The following GALNT17 variants were observed in gnomAD, a reference collection of about 807,000 sequenced individuals.
GALNT17 encodes UDP-GalNAc:polypeptide N-acetylgalactosaminyltransferase-like 3.
In GALNT17, 29 loss-of-function variants were observed where a neutral mutation model predicts 63.7. That is an observed-to-expected ratio of 0.46 (90% CI 0.34 to 0.62). The LOEUF (loss-of-function observed/expected upper bound fraction) is 0.62, where lower values mean the gene tolerates loss of function less well. Among genes scored for constraint, GALNT17 ranks in the 20% least tolerant of loss-of-function variants. The pLI, the probability that GALNT17 is intolerant of heterozygous loss-of-function variation, is 0.01. For synonymous variants in GALNT17, 305 were observed against 318.3 expected (o/e 0.96, Z 0.45); for missense variants, 603 against 799.6 (o/e 0.75, Z 2.97).
intron 1 of GALNT17, among the ~76,000 whole-genome samples, chr7:71,250,557 C>T (rs182812949): frequency 2.2e-4 from 34 of 152,238 alleles, no homozygotes; most frequent in Admixed American, 1.8e-3. Context: ...TCTGTAAGCT[C>T]GCCCCAAAAC....
intron 9 of GALNT17, among the ~76,000 whole-genome samples, chr7:71,702,485 A>G (rs538372725): frequency 2.6e-5 from 4 of 152,232 alleles, no homozygotes; most frequent in Non-Finnish European, 1.5e-5. Flanking sequence ...GAAGCTCAGA[A>G]AGCCATTATT....
At chr7:71,542,337 T>C (rs976832627) in intron 5 of GALNT17, among the ~76,000 whole-genome samples, 4 of 149,192 alleles carry the variant, frequency 2.7e-5, no homozygotes, top group Non-Finnish European at 4.5e-5. Flanking sequence ...TATTGGAATT[T>C]AAAAAAAAAA....
At chr7:71,481,285 C>CA (rs1787812475) in intron 5 of GALNT17, among the ~76,000 whole-genome samples, 1 of 151,780 alleles carries the variant, frequency 6.6e-6, no homozygotes, top group Admixed American at 6.6e-5. Context: ...CATCTCTAGT[C>CA]AAAAAAATAC....
intron 2 of GALNT17, among the ~76,000 whole-genome samples, chr7:71,371,731 T>C (rs1683265707): frequency 1.3e-5 from 2 of 152,240 alleles, no homozygotes; most frequent in African/African-American, 2.4e-5. Context: ...CTAAATTTAA[T>C]GGTTTTATCT....
chr7:71,588,879 A>T (rs763177011), intron 6 of GALNT17, among the ~76,000 whole-genome samples: 2 of 152,058 alleles, frequency 1.3e-5, no homozygotes, highest in Non-Finnish European at 2.9e-5. Context: ...GAAAAAAAAA[A>T]ATCCTCCACC....
intron 1 of GALNT17, among the ~76,000 whole-genome samples, chr7:71,190,159 T>G (rs1360000226): frequency 6.6e-6 from 1 of 152,178 alleles, no homozygotes; most frequent in Non-Finnish European, 1.5e-5. Context: ...GGGCTTGGTC[T>G]TTAGGAACAG....
intron 3 of GALNT17, among the ~76,000 whole-genome samples, chr7:71,401,777 G>A (rs1793246149): frequency 6.6e-6 from 1 of 152,170 alleles, no homozygotes; most frequent in South Asian, 2.1e-4. Context: ...TCATCTAGTT[G>A]TAGAAAAACA....
chr7:71,489,585 A>G (rs1056085270), intron 5 of GALNT17, among the ~76,000 whole-genome samples: 16 of 152,238 alleles, frequency 1.1e-4, no homozygotes, highest in Admixed American at 2.0e-4. Flanking sequence ...CTGAACCCCT[A>G]TTAACCTCAG....
At chr7:71,690,276 G>T (rs1284260706) in intron 9 of GALNT17, among the ~76,000 whole-genome samples, 1 of 151,778 alleles carries the variant, frequency 6.6e-6, no homozygotes, top group Non-Finnish European at 1.5e-5. Flanking sequence ...CACCCTTCTT[G>T]GCCTCCCAAA....
chr7:71,368,923 G>C (rs568930657), intron 2 of GALNT17, among the ~76,000 whole-genome samples: 5 of 83,314 alleles, frequency 6.0e-5, no homozygotes, highest in African/African-American at 2.1e-4. Context: ...CTCGGGGGTG[G>C]GGGGGGGTGT....
intron 1 of GALNT17, among the ~76,000 whole-genome samples, chr7:71,225,901 G>T (rs962002775): frequency 6.6e-6 from 1 of 151,916 alleles, no homozygotes; most frequent in African/African-American, 2.4e-5. Context: ...TACACTATTA[G>T]GTTAAAAAAA....
Position 71,659,044 on chromosome 7 carries a change from G to A in GALNT17, c.1081-6367G>A, listed in dbSNP as rs78218792. 4.6e-3 allele frequency among the ~76,000 whole-genome samples: 702 copies of A among 152,302 alleles called. 7 individuals carry two copies. Among genetic ancestry groups the A allele is most frequent in the African/African-American group, 0.016 (656 of 41,560 alleles). On this transcript the variant is annotated intron_variant, in intron 6 of 10. Transcript: ENST00000333538. The stretch of plus-strand genomic sequence containing the variant: ...CTTTTCCCCACAGTTCAGCCAGAGT[G>A]ATCTTTTCAAACCCAAATTCTTCAG...
chr7:71,141,245 T>C (rs1293498442), intron 1 of GALNT17, among the ~76,000 whole-genome samples: 2 of 152,022 alleles, frequency 1.3e-5, no homozygotes, highest in Non-Finnish European at 2.9e-5. Flanking sequence ...CAAGCGCCTG[T>C]AATCCCAGCT....
At chr7:71,616,679 T>G (rs1584092095) in intron 6 of GALNT17, among the ~76,000 whole-genome samples, 1 of 119,826 alleles carries the variant, frequency 8.3e-6, no homozygotes, top group Non-Finnish European at 1.6e-5. Context: ...TGTAATATAA[T>G]ACATTATAAT....
At chr7:71,303,191 G>A (rs12669285) in intron 1 of GALNT17, among the ~76,000 whole-genome samples, 28,988 of 150,496 alleles carry the variant, frequency 0.19, 2,886 homozygotes, top group East Asian at 0.33. Flanking sequence ...GGTTCTCGCT[G>A]TGTTGCCCAG....
chr7:71,175,775 C>A (rs910821571), intron 1 of GALNT17, among the ~76,000 whole-genome samples: 1 of 152,118 alleles, frequency 6.6e-6, no homozygotes, highest in African/African-American at 2.4e-5. Flanking sequence ...GTGGTGCACG[C>A]CTGTAGTCCC....
intron 10 of GALNT17, among the ~76,000 whole-genome samples, 169 bp from the exon 11 acceptor site, chr7:71,711,849 C>T (rs1390928783): frequency 6.6e-6 from 1 of 151,304 alleles, no homozygotes; most frequent in Non-Finnish European, 1.5e-5. Context: ...TCTCTCTCCT[C>T]TTTCTGTCTT....
At chr7:71,564,417 G>A (rs186756573) in intron 5 of GALNT17, among the ~76,000 whole-genome samples, 3 of 150,800 alleles carry the variant, frequency 2.0e-5, no homozygotes, top group African/African-American at 7.3e-5. Context: ...CTCCCAAGTA[G>A]CTGGGATTAC....
intron 3 of GALNT17, among the ~76,000 whole-genome samples, chr7:71,392,156 C>T (rs535050356): frequency 3.3e-5 from 5 of 152,108 alleles, no homozygotes; most frequent in Non-Finnish European, 7.4e-5. Context: ...CATTTAGTTT[C>T]CCCCAGAAGC....
Sources: gnomAD v4.1 joint callset for allele counts (sites outside exome capture counted in the v4.1 genomes callset) on GRCh38, gnomAD v4.1.1 for gene constraint, MANE v1.5 for transcripts, NCBI Gene and HGNC (gene_info 2026-07-23, HGNC 2026-07-21) for gene names.